The following CBL variants were observed in gnomAD, a reference collection of about 807,000 sequenced individuals.
CBL encodes E3 ubiquitin-protein ligase CBL.
Under a neutral mutation model 96.9 loss-of-function variants are expected in CBL, and 45 were observed. That is an observed-to-expected ratio of 0.46 (90% CI 0.37 to 0.60). CBL has a LOEUF of 0.60. CBL is among the 20% of genes least tolerant of loss of function. The pLI, the probability that CBL is intolerant of heterozygous loss-of-function variation, is 0.00. For synonymous variants in CBL, 420 were observed against 426.8 expected, an observed-to-expected ratio of 0.98 and a Z score of 0.20; for missense variants, 1,024 against 1,143.5, an observed-to-expected ratio of 0.90 and a Z score of 1.51.
intron 2 of CBL, among the ~76,000 whole-genome samples, chr11:119,263,493 AT>A (rs1346746774): frequency 6.6e-6 from 1 of 152,128 alleles, no homozygotes; most frequent in Non-Finnish European, 1.5e-5. Context: ...GCTCTGGATG[AT>A]TAGTAGGAAT....
chr11:119,284,928 C>T, intron 9 of CBL, 41 bp from the exon 10 acceptor site: 1 of 1,612,270 alleles, frequency 6.2e-7, no homozygotes, highest in Non-Finnish European at 8.5e-7. Flanking sequence ...ATGCCATTTC[C>T]CCAAACGAAA....
chr11:119,278,054 A>T (rs1949902943), intron 7 of CBL, 112 bp from the exon 8 acceptor site: 1 of 1,040,602 alleles, frequency 9.6e-7, no homozygotes, highest in African/African-American at 1.6e-5. Flanking sequence ...CTGTTGTGAC[A>T]TTTTTATATA....
At chr11:119,271,095 T>C (rs1949845538) in intron 2 of CBL, among the ~76,000 whole-genome samples, 1 of 152,224 alleles carries the variant, frequency 6.6e-6, no homozygotes, top group East Asian at 1.9e-4. Flanking sequence ...TACTTAAAAA[T>C]TCTTTTAATT....
intron 2 of CBL, among the ~76,000 whole-genome samples, chr11:119,269,861 G>T (rs957879591): frequency 6.6e-6 from 1 of 152,110 alleles, no homozygotes. Flanking sequence ...GCTGGGCATG[G>T]TGGCGGGCGC....
chr11:119,293,079 AT>A (rs2135317033), intron 12 of CBL, among the ~76,000 whole-genome samples: 1 of 151,134 alleles, frequency 6.6e-6, no homozygotes, highest in East Asian at 2.0e-4. Flanking sequence ...TTTCCATGTG[AT>A]TTTTAAAAAT....
At chr11:119,209,684 A>AC (rs1949301586) in intron 1 of CBL, among the ~76,000 whole-genome samples, 1 of 152,140 alleles carries the variant, frequency 6.6e-6, no homozygotes, top group South Asian at 2.1e-4. Context: ...ACCATCTCAT[A>AC]CCTGCTTTAT....
chr11:119,277,734 C>A (rs761126414), intron 6 of CBL, 23 bp from the exon 7 acceptor site: 2 of 1,570,788 alleles, frequency 1.3e-6, no homozygotes, highest in Admixed American at 3.3e-5. Context: ...TAAATAAAAC[C>A]CAGGGTTGGT....
chr11:119,274,765 T>C, intron 4 of CBL, 67 bp from the exon 5 acceptor site: 4 of 1,494,708 alleles, frequency 2.7e-6, no homozygotes, highest in South Asian at 1.2e-5. Context: ...TTTTTTTTTT[T>C]CTCATTGCCC....
intron 11 of CBL, among the ~76,000 whole-genome samples, chr11:119,287,091 A>C (rs1049801740): frequency 1.3e-5 from 2 of 152,206 alleles, no homozygotes; most frequent in Non-Finnish European, 2.9e-5. Context: ...GAGACTGAAG[A>C]ATAACAAAGG....
rs886047814 is a variant in CBL, at chr11:119,307,943, TACAG to T, written c.*8164_*8167del. ...AAGAAAAACAGAAGGTAAATATTCT[TACAG>T]AGAATAGCAGAGCTTTAAGATTCAT... is the stretch of plus-strand genomic sequence containing the variant. On this transcript the variant is annotated 3_prime_UTR_variant, in exon 16 of 16. Coordinates refer to ENST00000264033, the MANE Select transcript of CBL (RefSeq NM_005188.4). 1 of 197,154 alleles carries T rather than the reference TACAG, an allele frequency of 5.1e-6. No homozygotes were observed. The highest frequency in any genetic ancestry group is 1.1e-5 in the Non-Finnish European group (1 of 94,844). 12.2% of individuals were successfully genotyped at this position (197,154 alleles called of 1,614,324 possible).
At chr11:119,213,944 TTTC>T (rs147563103) in intron 1 of CBL, among the ~76,000 whole-genome samples, 4,897 of 151,720 alleles carry the variant, frequency 0.032, 117 homozygotes, top group Middle Eastern at 0.061. Flanking sequence ...CATCTTTTCT[TTTC>T]TTTTCTTTTT....
rs746815529 is a variant in CBL, at chr11:119,212,004, CT to C, written c.195+5393del. 7.2e-5 allele frequency among the ~76,000 whole-genome samples: 11 copies of C among 152,140 alleles called. No homozygotes were observed. The East Asian group carries it at 7.7e-4, about 11-fold the overall frequency. On this transcript the variant is annotated intron_variant, in intron 1 of 15. Transcript: ENST00000264033. Reference sequence around the variant, plus strand: ...GCATGATCTCGGCTCACTGCAGCCCCTGCCTCCCAGGTTCAAGTGATTCTCC... The same window carrying C: ...GCATGATCTCGGCTCACTGCAGCCCCGCCTCCCAGGTTCAAGTGATTCTCC...
At chr11:119,280,353 T>G (rs780533563) in intron 9 of CBL, among the ~76,000 whole-genome samples, 2 of 152,220 alleles carry the variant, frequency 1.3e-5, no homozygotes, top group Non-Finnish European at 2.9e-5. Context: ...ATATGGATGT[T>G]TTATTCCTTG....
intron 9 of CBL, among the ~76,000 whole-genome samples, chr11:119,282,728 T>C (rs1420240012): frequency 6.6e-6 from 1 of 152,060 alleles, no homozygotes; most frequent in East Asian, 1.9e-4. Flanking sequence ...GCTAAGCTGA[T>C]AGTGGTAAGC....
At chr11:119,245,449 C>T (rs1592383758) in intron 2 of CBL, among the ~76,000 whole-genome samples, 1 of 151,996 alleles carries the variant, frequency 6.6e-6, no homozygotes, top group East Asian at 1.9e-4. Flanking sequence ...TTTTAATGGA[C>T]CAGGTGCAGT....
intron 1 of CBL, among the ~76,000 whole-genome samples, chr11:119,229,890 G>A (rs1288639530): frequency 1.3e-5 from 2 of 151,844 alleles, no homozygotes; most frequent in African/African-American, 4.8e-5. Context: ...ACCATGTCCG[G>A]CTAATTTTTG....
intron 2 of CBL, among the ~76,000 whole-genome samples, chr11:119,239,424 TTG>T (rs1949568886): frequency 3.9e-5 from 6 of 152,228 alleles, no homozygotes; most frequent in Non-Finnish European, 8.8e-5. Context: ...AGAAACATAG[TTG>T]ACTTCTGTAT....
intron 2 of CBL, among the ~76,000 whole-genome samples, chr11:119,268,915 C>T (rs967626005): frequency 1.3e-5 from 2 of 152,140 alleles, no homozygotes; most frequent in African/African-American, 4.8e-5. Context: ...TACTGTTCAG[C>T]GTAGTTCTTC....
At chr11:119,270,436 A>ATTTT (rs869150071) in intron 2 of CBL, among the ~76,000 whole-genome samples, 640 of 38,664 alleles carry the variant, frequency 0.017, 103 homozygotes, top group Middle Eastern at 0.05. Flanking sequence ...ATATATATAT[A>ATTTT]TTTTTTTTTT....
Sources: gnomAD v4.1 joint callset for allele counts (sites outside exome capture counted in the v4.1 genomes callset) on GRCh38, gnomAD v4.1.1 for gene constraint, MANE v1.5 for transcripts, NCBI Gene and HGNC (gene_info 2026-07-23, HGNC 2026-07-21) for gene names.